TSHZ3: variants seen among roughly 807,000 people sequenced by gnomAD.
TSHZ3 encodes teashirt zinc finger homeobox 3, also known as teashirt homolog 3.
TSHZ3 carries 10 observed loss-of-function variants against 64.5 expected under a neutral mutation model. The ratio of observed to expected loss-of-function variants is 0.16; its 90% CI spans 0.10 to 0.26. The LOEUF (loss-of-function observed/expected upper bound fraction) is 0.26, where lower values mean the gene tolerates loss of function less well. TSHZ3 is among the 10% of genes least tolerant of loss of function. TSHZ3 has a pLI of 1.00. For synonymous variants in TSHZ3, 608 were observed against 593.1 expected (o/e 1.03, Z -0.36); for missense variants, 1,242 against 1,421.7 (o/e 0.87, Z 2.03).
intron 5 of TSHZ3, among the ~76,000 whole-genome samples, chr19:31,172,478 T>C (rs983610341): frequency 1.3e-5 from 2 of 152,196 alleles, no homozygotes; most frequent in Non-Finnish European, 2.9e-5. Flanking sequence ...ATGCAAAACA[T>C]GCAATTCACA....
chr19:31,329,667 C>T (rs62102601), intron 1 of TSHZ3, among the ~76,000 whole-genome samples: 7,622 of 152,284 alleles, frequency 0.05, 307 homozygotes, highest in Non-Finnish European at 0.079. Flanking sequence ...TTCTGAATAT[C>T]GGAAGATGCA....
intron 5 of TSHZ3, among the ~76,000 whole-genome samples, chr19:31,163,460 A>G (rs1169272338): frequency 1.3e-5 from 2 of 152,188 alleles, no homozygotes; most frequent in African/African-American, 4.8e-5. Flanking sequence ...GGCTGGGCAC[A>G]GTGGCTCAGG....
chr19:31,211,278 C>A (rs1244793934), intron 4 of TSHZ3, among the ~76,000 whole-genome samples: 1 of 152,166 alleles, frequency 6.6e-6, no homozygotes, highest in Admixed American at 6.5e-5. Context: ...ATTCAACATG[C>A]ATTCAACAGG....
intron 1 of TSHZ3, among the ~76,000 whole-genome samples, chr19:31,309,172 C>A (rs1475929463): frequency 6.6e-6 from 1 of 152,234 alleles, no homozygotes; most frequent in Non-Finnish European, 1.5e-5. Flanking sequence ...TCGCTTTGTA[C>A]GGGGCCCTGG....
chr19:31,188,262 TCTGA>T (rs1442143393), intron 5 of TSHZ3, among the ~76,000 whole-genome samples: 1 of 151,978 alleles, frequency 6.6e-6, no homozygotes, highest in East Asian at 1.9e-4. Flanking sequence ...TTCACTTATT[TCTGA>T]CTATTTACAG....
intron 1 of TSHZ3, among the ~76,000 whole-genome samples, chr19:31,335,196 G>A (rs1368681140): frequency 3.9e-5 from 6 of 152,240 alleles, no homozygotes; most frequent in Admixed American, 2.0e-4. Context: ...AATGATTCAC[G>A]GGATCTTTCT....
At chr19:31,155,824 G>C (rs116363915) in intron 6 of TSHZ3, among the ~76,000 whole-genome samples, 2 of 152,038 alleles carry the variant, frequency 1.3e-5, no homozygotes, top group Non-Finnish European at 2.9e-5. Flanking sequence ...TGTTTTCCAG[G>C]ACACCGATCT....
At chr19:31,314,493 G>A (rs1045727099) in intron 1 of TSHZ3, among the ~76,000 whole-genome samples, 30 of 152,300 alleles carry the variant, frequency 2.0e-4, no homozygotes, top group African/African-American at 3.8e-4. Flanking sequence ...TCTCAGGGCC[G>A]GGTTTCTGAT....
intron 1 of TSHZ3, among the ~76,000 whole-genome samples, chr19:31,249,025 T>C (rs1975797042): frequency 6.6e-6 from 1 of 151,840 alleles, no homozygotes; most frequent in African/African-American, 2.4e-5. Flanking sequence ...GCTCAAGAGA[T>C]GAGAGTGTGG....
chr19:31,314,186 G>T (rs983054914), intron 1 of TSHZ3, among the ~76,000 whole-genome samples: 1 of 152,172 alleles, frequency 6.6e-6, no homozygotes, highest in Non-Finnish European at 1.5e-5. Flanking sequence ...CGGCTTCTAA[G>T]GCCAGGACTA....
rs148694482 is a variant in TSHZ3 at position 31,191,739 on chromosome 19, G to T, written n.809+13217C>A. ...CCGGGCATGGTGGCACGTGGCTGTA[G>T]TCCCAGCTATTTGGGAGGCTGAGGT... On this transcript the variant is annotated intron_variant and non_coding_transcript_variant, in intron 5 of 6. Transcript: ENST00000651361. Among the ~76,000 whole-genome samples, 697 of 151,978 alleles carry T rather than the reference G, an allele frequency of 4.6e-3. 8 individuals are homozygous for T. Among genetic ancestry groups the T allele is most frequent in the African/African-American group, 0.016 (661 of 41,430 alleles).
intron 5 of TSHZ3, among the ~76,000 whole-genome samples, chr19:31,201,001 CAG>C (rs564887761): frequency 1.1e-3 from 112 of 101,010 alleles, no homozygotes; most frequent in African/African-American, 2.9e-3. Flanking sequence ...AGTGTGGTGT[CAG>C]GGGAAAAAAA....
At chr19:31,154,809 T>C (rs1227987775) in intron 6 of TSHZ3, among the ~76,000 whole-genome samples, 1 of 151,908 alleles carries the variant, frequency 6.6e-6, no homozygotes. Flanking sequence ...TCTGGTTTTT[T>C]AGCCTTCAGG....
intron 5 of TSHZ3, among the ~76,000 whole-genome samples, chr19:31,200,369 T>G (rs1050339043): frequency 1.3e-5 from 2 of 152,200 alleles, no homozygotes; most frequent in Non-Finnish European, 2.9e-5. Context: ...GTCTGGTACA[T>G]CTTGACTTTG....
In TSHZ3 at chr19:31,348,950, G is replaced by C. The variant is rs1599665684; in HGVS notation, c.40+230C>G. ...CCTGGCGCGGCTCAGCGCGCTCCGC[G>C]AGCGGCTCCCCAAATGGGTGCGAGA... is the stretch of plus-strand genomic sequence containing the variant. On this transcript the variant is annotated intron_variant, in intron 1 of 1. Transcript: ENST00000240587. 16 of 508,540 alleles carry C rather than the reference G, an allele frequency of 3.1e-5. No homozygotes were observed. The East Asian group carries it at 5.3e-4, about 17-fold the overall frequency. 31.5% of individuals were successfully genotyped at this position (508,540 alleles called of 1,614,324 possible).
At position 31,341,940 on chromosome 19, in the gene TSHZ3, A is replaced by G. The variant is rs1281191369; in HGVS notation, c.40+7240T>C. ...TCCAAACCAAGGCCCATCTTTTCCA[A>G]TAAATGCCTCTCCTTTAGAATATCA... On this transcript the variant is annotated intron_variant, in intron 1 of 1. Transcript: ENST00000240587. 3.3e-5 allele frequency among the ~76,000 whole-genome samples: 5 copies of G among 152,252 alleles called. No individual in the cohort carries two copies. The East Asian group carries it at 7.7e-4, about 23-fold the overall frequency.
rs143796290 is a variant in TSHZ3 at position 31,211,708 on chromosome 19, G to A, written n.687-6630C>T. Among the ~76,000 whole-genome samples, 697 of 152,258 alleles carry A rather than the reference G, an allele frequency of 4.6e-3. 4 individuals carry two copies. Among genetic ancestry groups the A allele is most frequent in the African/African-American group, 0.016 (655 of 41,560 alleles). ...CCAGGCCAGCCAGACCCTGGGAGCC[G>A]GCAGGGAGATTCCAGCAGTGAGGAG... On this transcript the variant is annotated intron_variant and non_coding_transcript_variant, in intron 4 of 6. Transcript: ENST00000651361.
chr19:31,347,025 T>C (rs1267107621), intron 1 of TSHZ3, among the ~76,000 whole-genome samples: 3 of 152,092 alleles, frequency 2.0e-5, no homozygotes, highest in Non-Finnish European at 4.4e-5. Flanking sequence ...TTGATGAATG[T>C]GCCTGTCAGG....
intron 5 of TSHZ3, among the ~76,000 whole-genome samples, chr19:31,180,008 G>C (rs1181851465): frequency 6.6e-6 from 1 of 152,132 alleles, no homozygotes; most frequent in Admixed American, 6.6e-5. Context: ...GTCAGAGCTG[G>C]CCTCTGCTCC....
Sources: gnomAD v4.1 joint callset for allele counts (sites outside exome capture counted in the v4.1 genomes callset) on GRCh38, gnomAD v4.1.1 for gene constraint, MANE v1.5 for transcripts, NCBI Gene and HGNC (gene_info 2026-07-23, HGNC 2026-07-21) for gene names.